The following KDM4B variants were observed in gnomAD, a reference collection of about 807,000 sequenced individuals.
KDM4B encodes the protein lysine-specific demethylase 4B.
A neutral mutation model predicts 125.2 loss-of-function variants in KDM4B; 32 were observed. The observed-to-expected ratio is 0.26, with a 90% CI of 0.19 to 0.34. KDM4B has a LOEUF of 0.34. KDM4B is among the 10% of genes least tolerant of loss of function. KDM4B has a pLI of 1.00. For missense variants in KDM4B, 1,190 were observed against 1,577.7 expected (o/e 0.75, Z 4.16); for synonymous variants, 721 against 677.9 (o/e 1.06, Z -0.99).
At chr19:5,128,613 G>A (rs1320095800) in intron 11 of KDM4B, among the ~76,000 whole-genome samples, 3 of 152,190 alleles carry the variant, frequency 2.0e-5, no homozygotes, top group African/African-American at 7.2e-5. Flanking sequence ...ACAGGCGCTC[G>A]GGGTGAGGCG....
At chr19:5,011,508 T>A (rs2035727276) in intron 1 of KDM4B, among the ~76,000 whole-genome samples, 1 of 152,168 alleles carries the variant, frequency 6.6e-6, no homozygotes, top group South Asian at 2.1e-4. Context: ...AGGACCTTCC[T>A]GTGGGGCTGA....
chr19:5,020,647 G>A (rs1032941268), intron 2 of KDM4B, among the ~76,000 whole-genome samples: 1 of 152,336 alleles, frequency 6.6e-6, no homozygotes. Flanking sequence ...GCAGCTGCAA[G>A]TCGGCCTCTC....
chr19:5,097,153 C>G (rs1037709643), intron 9 of KDM4B, among the ~76,000 whole-genome samples: 2 of 152,282 alleles, frequency 1.3e-5, no homozygotes, highest in East Asian at 3.9e-4. Context: ...CCAAAGCCAC[C>G]AAGATGTCAA....
chr19:4,990,083 A>C (rs995217334), intron 1 of KDM4B, among the ~76,000 whole-genome samples: 1 of 152,076 alleles, frequency 6.6e-6, no homozygotes, highest in East Asian at 1.9e-4. Flanking sequence ...TGAGGCCAGG[A>C]GTTCAAGACC....
intron 2 of KDM4B, among the ~76,000 whole-genome samples, chr19:5,029,202 C>T (rs762812293): frequency 2.0e-5 from 3 of 152,244 alleles, no homozygotes; most frequent in South Asian, 2.1e-4. Flanking sequence ...TGAGCCACCG[C>T]GCCCACCAGC....
intron 11 of KDM4B, 79 bp downstream of exon 11, chr19:5,119,931 C>T: frequency 1.4e-6 from 2 of 1,466,446 alleles, no homozygotes; most frequent in South Asian, 2.6e-5. Flanking sequence ...CCAGTGCCTG[C>T]TACAGCCAGA....
In KDM4B at chr19:5,131,446, G is replaced by A; in HGVS notation, c.1686G>A (p.Lys562=). The A allele has an allele frequency of 6.2e-7, 1 of 1,608,592 alleles. No individual in the cohort carries two copies. Among genetic ancestry groups the A allele is most frequent in the Non-Finnish European group, 8.5e-7 (1 of 1,179,228 alleles). ...EHFAQKGPTW[K]EPVSPMELTG... is the part of the protein sequence containing the mutation. ...TTGCCCAGAAGGGTCCGACCTGGAAGGAACCAGTTTCCCCCATGGAGCTGA... is the reference window on the plus strand; with the variant it reads ...TTGCCCAGAAGGGTCCGACCTGGAAAGAACCAGTTTCCCCCATGGAGCTGA... The change falls in exon 12 of 23, where the codon AAG becomes AAA. Residue 562 remains lysine (K), a synonymous_variant. Coordinates refer to ENST00000159111, the MANE Select transcript of KDM4B (RefSeq NM_015015.3).
chr19:5,115,171 A>G lies in KDM4B; in HGVS notation c.1115+4353A>G, dbSNP rs757014027. Among the ~76,000 whole-genome samples the G allele has an allele frequency of 7.9e-5, 12 of 152,176 alleles. No homozygotes were observed. Among genetic ancestry groups the G allele is most frequent in the Non-Finnish European group, 1.6e-4 (11 of 68,024 alleles). Reference sequence around the variant, plus strand: ...TGGGCTGCACCATGGGGCCACAGAAAGACACAGTGGGCAGACATGGGCAGC... The same window carrying G: ...TGGGCTGCACCATGGGGCCACAGAAGGACACAGTGGGCAGACATGGGCAGC... On this transcript the variant is annotated intron_variant, in intron 10 of 22. Coordinates refer to ENST00000159111, the MANE Select transcript of KDM4B (RefSeq NM_015015.3). The surrounding 1 kb of genome is among the most constrained non-coding windows in gnomAD (Gnocchi z 4.2).
At chr19:5,064,161 C>T (rs2620808) in intron 6 of KDM4B, among the ~76,000 whole-genome samples, 11,275 of 152,156 alleles carry the variant, frequency 0.074, 1,366 homozygotes, top group African/African-American at 0.25. Context: ...GTCCCGGGGG[C>T]GCCACTGGCG....
At chr19:4,995,881 G>C (rs1304158703) in intron 1 of KDM4B, among the ~76,000 whole-genome samples, 1 of 152,152 alleles carries the variant, frequency 6.6e-6, no homozygotes, top group African/African-American at 2.4e-5. Context: ...TGGTCGCCGC[G>C]GTGTCACGCG....
Position 5,081,541 on chromosome 19 carries a change from C to G in KDM4B, c.781-826C>G, listed in dbSNP as rs2038294140. On this transcript the variant is annotated intron_variant, in intron 8 of 22. Coordinates refer to ENST00000159111, the MANE Select transcript of KDM4B (RefSeq NM_015015.3). This position sits in a 1 kb window ranked among gnomAD's most constrained non-coding sequence, Gnocchi z 4.2. ...GGGTCATTGTGGGCCCCACCCCAGC[C>G]ACGCACGCCTCGGCTCCTCAGTTTA... 6.6e-6 allele frequency among the ~76,000 whole-genome samples: 1 copy of G among 152,126 alleles called. No individual in the cohort carries two copies. Among genetic ancestry groups the G allele is most frequent in the African/African-American group, 2.4e-5 (1 of 41,420 alleles).
chr19:5,113,843 C>T, intron 10 of KDM4B: 1 of 975,872 alleles, frequency 1.0e-6, no homozygotes, highest in Non-Finnish European at 1.2e-6. Context: ...CCAGCCTTCC[C>T]TGCCCTCGGC....
At chr19:5,110,562 G>T in intron 9 of KDM4B, 60 bp from the exon 10 acceptor site, 1 of 1,561,234 alleles carries the variant, frequency 6.4e-7, no homozygotes, top group East Asian at 2.3e-5. Context: ...CTGGGGTGGG[G>T]TGTGTGGAGC....
chr19:4,981,573 G>T (rs8102731), intron 1 of KDM4B, among the ~76,000 whole-genome samples: 1 of 152,116 alleles, frequency 6.6e-6, no homozygotes, highest in African/African-American at 2.4e-5. Flanking sequence ...CCACCTGGAC[G>T]TCCCCCCAGG....
chr19:5,048,470 C>A (rs2037105885), intron 6 of KDM4B, among the ~76,000 whole-genome samples: 1 of 152,230 alleles, frequency 6.6e-6, no homozygotes, highest in Non-Finnish European at 1.5e-5. Flanking sequence ...TCCCGCCCTT[C>A]CCGGGGCCGC....
In KDM4B at chr19:5,057,819, G is replaced by A. The variant is rs376648249; in HGVS notation, c.626+10150G>A. Among the ~76,000 whole-genome samples the A allele has an allele frequency of 2.0e-5, 3 of 152,232 alleles. No individual in the cohort carries two copies. The East Asian group carries it at 5.8e-4, about 29-fold the overall frequency. On this transcript the variant is annotated intron_variant, in intron 6 of 22. Coordinates refer to ENST00000159111, the MANE Select transcript of KDM4B (RefSeq NM_015015.3). ...GCCTGAACCCGAAGGTGTGGGTGAG[G>A]AAGGAGCCATTTCTAATGGAGTCAC...
At chr19:5,109,417 T>C (rs1473505784) in intron 9 of KDM4B, among the ~76,000 whole-genome samples, 5 of 152,130 alleles carry the variant, frequency 3.3e-5, no homozygotes, top group Admixed American at 1.3e-4. Flanking sequence ...TCCTTCCCAG[T>C]GCCCAGTGTG....
intron 22 of KDM4B, 50 bp from the exon 23 acceptor site, chr19:5,151,285 G>A (rs754175720): frequency 2.9e-5 from 40 of 1,392,366 alleles, no homozygotes; most frequent in Non-Finnish European, 3.5e-5. Context: ...GGCTGGGGCC[G>A]CACAGAGTGT....
chr19:4,990,856 C>T (rs2092395510), intron 1 of KDM4B, among the ~76,000 whole-genome samples: 1 of 152,044 alleles, frequency 6.6e-6, no homozygotes, highest in African/African-American at 2.4e-5. Context: ...TATGATGGCT[C>T]ACGCCTATAA....
Sources: allele counts gnomAD v4.1 joint callset (sites outside exome capture counted in the v4.1 genomes callset), GRCh38; gene constraint gnomAD v4.1.1; non-coding constraint Gnocchi (gnomAD v3.1); transcripts MANE v1.5; gene names NCBI Gene and HGNC (gene_info 2026-07-23, HGNC 2026-07-21).